Variants in ESPL1 observed in about 807,000 individuals in gnomAD.
The protein encoded by ESPL1 is separin.
In ESPL1, 50 loss-of-function variants were observed where a neutral mutation model predicts 217.2. The observed-to-expected ratio is 0.23, with a 90% CI of 0.18 to 0.29. ESPL1 has a LOEUF of 0.29. ESPL1 is among the 10% of genes least tolerant of loss of function. ESPL1 has a pLI of 1.00. For synonymous variants in ESPL1, 994 were observed against 1,081.3 expected (o/e 0.92, Z 1.58); for missense variants, 1,834 against 2,603.0 (o/e 0.70, Z 6.43).
chr12:53,283,055 C>G (rs894025250), intron 14 of ESPL1, 74 bp from the exon 15 acceptor site: 1 of 1,593,022 alleles, frequency 6.3e-7, no homozygotes, highest in Non-Finnish European at 8.6e-7. Flanking sequence ...GGGAAGCAGG[C>G]TTTGCTGCCT....
chr12:53,270,094 A>C lies in ESPL1; in HGVS notation c.1143+9A>C. ...AGCTGCGGGATGATGGTGTGAGTTA[A>C]GGACCTGGAGGTAGGGTGGGGACGT... On this transcript the variant is annotated intron_variant, in intron 3 of 30. Transcript: ENST00000257934. The C allele has an allele frequency of 6.3e-7, 1 of 1,592,548 alleles. No homozygotes were observed. Among genetic ancestry groups the C allele is most frequent in the Non-Finnish European group, 8.6e-7 (1 of 1,168,822 alleles).
At chr12:53,285,633 C>T (rs912531074) in intron 17 of ESPL1, among the ~76,000 whole-genome samples, 22 of 151,312 alleles carry the variant, frequency 1.5e-4, no homozygotes, top group African/African-American at 3.9e-4. Context: ...GGCATGAACC[C>T]GGGAGGCGGA....
rs764254434 is a variant in ESPL1 at position 53,292,105 on chromosome 12, A to G, written c.5796+17A>G. 6.3e-7 allele frequency: 1 copy of G among 1,595,884 alleles called. No individual in the cohort carries two copies. The highest frequency in any genetic ancestry group is 8.6e-7 in the Non-Finnish European group (1 of 1,163,486). ...ATCAAAGAGGTGGGGTTCAGGGCGTAGTGTCTGGGGATGACTGGCGACTGG... is the reference window on the plus strand; with the variant it reads ...ATCAAAGAGGTGGGGTTCAGGGCGTGGTGTCTGGGGATGACTGGCGACTGG... On this transcript the variant is annotated intron_variant, in intron 27 of 30. Coordinates refer to ENST00000257934, the MANE Select transcript of ESPL1 (RefSeq NM_012291.5). This position sits in a 1 kb window ranked among gnomAD's most constrained non-coding sequence, Gnocchi z 4.5.
chr12:53,289,124 G>A lies in ESPL1; in HGVS notation c.4743G>A (p.Leu1581=), dbSNP rs747261866. Residue 1581 remains leucine, a synonymous_variant, in exon 21 of 31, where the codon CTG becomes CTA. Transcript: ENST00000257934. ...LSTLDSICDS[L]SVAFRGISHC... is the part of the protein sequence containing the mutation. The stretch of plus-strand genomic sequence containing the variant: ...CCCTGGACTCCATCTGTGACTCCCT[G>A]AGTGTTGCTTTCCGGGGCATTAGTC... 1.2e-6 allele frequency: 2 copies of A among 1,614,192 alleles called. No homozygotes were observed. Among genetic ancestry groups the A allele is most frequent in the Middle Eastern group, 1.6e-4 (1 of 6,062 alleles).
intron 6 of ESPL1, among the ~76,000 whole-genome samples, chr12:53,273,184 G>A (rs1943707905): frequency 1.3e-5 from 2 of 151,636 alleles, no homozygotes; most frequent in South Asian, 2.1e-4. Flanking sequence ...GATTACAGGT[G>A]CCCACCACCA....
chr12:53,284,403 C>G (rs866616296), intron 17 of ESPL1, among the ~76,000 whole-genome samples: 2 of 152,002 alleles, frequency 1.3e-5, no homozygotes, highest in East Asian at 3.9e-4. Context: ...TACAGGCATG[C>G]GCCACCACAC....
rs372689298 is a variant in ESPL1, at chr12:53,288,693, G to A, written c.4702G>A (p.Ala1568Thr). Residue 1568 changes from alanine (A) to threonine (T), a missense_variant, in exon 20 of 31, where the codon GCC becomes ACC. Physicochemically the swap from Ala to Thr is moderately conservative, Grantham distance 58 (BLOSUM62 0). Transcript: ENST00000257934. ...GCTCCGGCTCCCCTCAGCCCCCGTA[G>A]CCACTGGTGAATATGCGACCCCTGA... is the stretch of plus-strand genomic sequence containing the variant. ...PRLRLPSAPV[A>T]TGLSTLDSIC... The A allele has an allele frequency of 6.2e-7, 1 of 1,610,828 alleles. No homozygotes were observed. Among genetic ancestry groups the A allele is most frequent in the Non-Finnish European group, 8.5e-7 (1 of 1,179,034 alleles).
Position 53,277,151 on chromosome 12 carries a change from G to C in ESPL1, c.2009G>C (p.Arg670Thr). The C allele has an allele frequency of 6.2e-7, 1 of 1,614,226 alleles. No homozygotes were observed. Among genetic ancestry groups the C allele is most frequent in the Non-Finnish European group, 8.5e-7 (1 of 1,180,014 alleles). ...LDSVRPEAQA[R>T]DQLLDDKAQA... Reference sequence around the variant, plus strand: ...TCTGTGAGGCCTGAGGCCCAGGCCAGAGATCAGCTTCTGGACGATAAAGCA... The same window carrying C: ...TCTGTGAGGCCTGAGGCCCAGGCCACAGATCAGCTTCTGGACGATAAAGCA... Residue 670 changes from arginine (R) to threonine (T), a missense_variant, in exon 9 of 31, where the codon AGA becomes ACA. By Grantham distance (71) the Arg-to-Thr change is moderately conservative. Around this residue, in one of 5 missense-constraint regions of ESPL1, gnomAD observed 746 missense variants for 1,077.0 expected, o/e 0.69. Transcript: ENST00000257934.
At position 53,292,285 on chromosome 12, in the gene ESPL1, C is replaced by T. The variant is rs1004439860; in HGVS notation, c.5804C>T (p.Ala1935Val). Residue 1935 changes from alanine to valine, a missense_variant, in exon 28 of 31, where the codon GCC becomes GTC. By Grantham distance (64) the Ala-to-Val change is moderately conservative. Around this residue, in one of 5 missense-constraint regions of ESPL1, gnomAD observed 295 missense variants for 519.8 expected, o/e 0.57. Coordinates refer to ENST00000257934, the MANE Select transcript of ESPL1 (RefSeq NM_012291.5). This position sits in a 1 kb window ranked among gnomAD's most constrained non-coding sequence, Gnocchi z 4.5. ...LSYSIIKEYG[A>V]SPVLSQGVDP... The stretch of plus-strand genomic sequence containing the variant: ...CCAGTGTCTCCTCCTCAGTATGGGG[C>T]CTCGCCAGTGCTGAGTCAAGGGGTG... 3.7e-6 allele frequency: 6 copies of T among 1,611,244 alleles called. No homozygotes were observed. Among genetic ancestry groups the T allele is most frequent in the African/African-American group, 2.7e-5 (2 of 74,970 alleles).
chr12:53,288,765 C>G, intron 20 of ESPL1, 66 bp downstream of exon 20: 14 of 1,457,720 alleles, frequency 9.6e-6, no homozygotes, highest in Non-Finnish European at 1.3e-5. Context: ...TTTGACCCCT[C>G]TGTCTTTCCA....
At chr12:53,274,668 C>T in intron 6 of ESPL1, 149 bp from the exon 7 acceptor site, 1 of 620,056 alleles carries the variant, frequency 1.6e-6, no homozygotes, top group South Asian at 1.9e-5. Flanking sequence ...TCTTAGGTGT[C>T]TCCTGCCTTG....
chr12:53,285,815 C>T (rs912404999), intron 17 of ESPL1, 109 bp from the exon 18 acceptor site: 5 of 732,184 alleles, frequency 6.8e-6, no homozygotes, highest in South Asian at 2.0e-5. Context: ...TATATATACA[C>T]GTACGTATAT....
chr12:53,283,573 CA>C, intron 16 of ESPL1, 35 bp downstream of exon 16: 1 of 1,590,916 alleles, frequency 6.3e-7, no homozygotes, highest in Non-Finnish European at 8.6e-7. Context: ...GCAATGATGG[CA>C]CCAAAGTGCC....
intron 12 of ESPL1, among the ~76,000 whole-genome samples, chr12:53,280,239 G>A (rs1205580776): frequency 6.6e-6 from 1 of 152,086 alleles, no homozygotes; most frequent in African/African-American, 2.4e-5. Flanking sequence ...AACGACCACT[G>A]GTAGGCACAG....
chr12:53,277,011 A>G, intron 8 of ESPL1, 72 bp from the exon 9 acceptor site: 1 of 1,578,850 alleles, frequency 6.3e-7, no homozygotes, highest in African/African-American at 1.3e-5. Context: ...GCTGTTCTGC[A>G]GCTAGCCCTT....
chr12:53,268,844 G>C lies in ESPL1; in HGVS notation c.78G>C (p.Leu26Phe). 1 of 1,610,010 alleles carries C rather than the reference G, an allele frequency of 6.2e-7. No individual in the cohort carries two copies. The highest frequency in any genetic ancestry group is 8.5e-7 in the Non-Finnish European group (1 of 1,177,930). The change falls in exon 2 of 31, where the codon TTG (leucine) becomes TTC (phenylalanine). Residue 26 changes from leucine to phenylalanine, a missense_variant. Physicochemically the swap from Leu to Phe is conservative, Grantham distance 22. Around this residue, in one of 5 missense-constraint regions of ESPL1, gnomAD observed 746 missense variants for 1,077.0 expected, o/e 0.69. Coordinates refer to ENST00000257934, the MANE Select transcript of ESPL1 (RefSeq NM_012291.5). ...QKEAEELLPALKEFLSNPPAG... is the reference protein window; with the variant it reads ...QKEAEELLPAFKEFLSNPPAG... ...AGGCTGAAGAGTTGCTGCCCGCCTT[G>C]AAGGTGGGGGTGCTGCCTGGCTCGG...
In ESPL1 at chr12:53,288,313, G is replaced by C. The variant is rs763200846; in HGVS notation, c.4518G>C (p.Arg1506Ser). The stretch of plus-strand genomic sequence containing the variant: ...GAAAAATGAGCTTTGAGATCCTCAG[G>C]GGCTCTGACGGGGAAGACTCAGCCT... Reference protein sequence around the residue: ...NWRKMSFEILRGSDGEDSASG... With the variant: ...NWRKMSFEILSGSDGEDSASG... The change falls in exon 19 of 31, where the codon AGG becomes AGC. Residue 1506 changes from arginine (R) to serine (S), a missense_variant. Physicochemically the swap from Arg to Ser is moderately radical, Grantham distance 110. This residue lies in a region of ESPL1 where 681 missense variants were observed against 808.0 expected (regional missense o/e 0.84). Coordinates refer to ENST00000257934, the MANE Select transcript of ESPL1 (RefSeq NM_012291.5). The C allele has an allele frequency of 1.2e-6, 2 of 1,601,600 alleles. No individual in the cohort carries two copies. The highest frequency in any genetic ancestry group is 2.2e-5 in the South Asian group (2 of 89,352).
chr12:53,276,586 G>A (rs1343993676), intron 7 of ESPL1, 34 bp from the exon 8 acceptor site: 2 of 1,564,150 alleles, frequency 1.3e-6, no homozygotes. Flanking sequence ...TGCCTCCTGG[G>A]TTCCACCCTG....
intron 12 of ESPL1, among the ~76,000 whole-genome samples, 199 bp downstream of exon 12, chr12:53,280,065 G>T (rs1943836194): frequency 6.6e-6 from 1 of 152,176 alleles, no homozygotes; most frequent in Non-Finnish European, 1.5e-5. Context: ...AAAACCAGTT[G>T]TTCATTAAGT....
Sources: gnomAD v4.1 joint callset for allele counts (sites outside exome capture counted in the v4.1 genomes callset) on GRCh38, gnomAD v4.1.1 for gene constraint, gnomAD v4.1.1 regional missense constraint, Gnocchi (gnomAD v3.1) non-coding constraint, MANE v1.5 for transcripts, NCBI Gene and HGNC (gene_info 2026-07-23, HGNC 2026-07-21) for gene names.